Variants in FSTL5 observed in about 807,000 individuals in gnomAD.
FSTL5 encodes the protein follistatin-related protein 5.
A neutral mutation model predicts 89.1 loss-of-function variants in FSTL5; 62 were observed. That is an observed-to-expected ratio of 0.70 (90% CI 0.57 to 0.86). The LOEUF (loss-of-function observed/expected upper bound fraction) is 0.86. Among genes scored for constraint, FSTL5 ranks in the 40% least tolerant of loss-of-function variants. The pLI, the probability that FSTL5 is intolerant of heterozygous loss-of-function variation, is 0.00. For synonymous variants in FSTL5, 383 were observed against 346.2 expected, an observed-to-expected ratio of 1.11 and a Z score of -1.18; for missense variants, 1,057 against 1,001.6, an observed-to-expected ratio of 1.06 and a Z score of -0.75.
At chr4:161,815,895 A>C (rs763591053) in intron 4 of FSTL5, among the ~76,000 whole-genome samples, 16 of 152,226 alleles carry the variant, frequency 1.1e-4, no homozygotes, top group Non-Finnish European at 1.9e-4. Context: ...TTGAATAAGG[A>C]TAAGTAAGTC....
At chr4:161,802,900 C>T (rs192999554) in intron 4 of FSTL5, among the ~76,000 whole-genome samples, 3 of 151,876 alleles carry the variant, frequency 2.0e-5, no homozygotes, top group Non-Finnish European at 4.4e-5. Context: ...TCCAAAACAG[C>T]AATCTACTGT....
At chr4:161,663,020 G>A (rs369170638) in intron 6 of FSTL5, among the ~76,000 whole-genome samples, 4 of 152,082 alleles carry the variant, frequency 2.6e-5, no homozygotes, top group South Asian at 2.1e-4. Context: ...ATCAGATCTC[G>A]TGAGACTTAC....
chr4:161,718,621 G>T (rs1157339026), intron 6 of FSTL5, among the ~76,000 whole-genome samples: 1 of 151,982 alleles, frequency 6.6e-6, no homozygotes, highest in Non-Finnish European at 1.5e-5. Context: ...GTAGAGATGG[G>T]GTTTCACTAT....
chr4:161,790,077 G>A (rs1463886536), intron 4 of FSTL5, among the ~76,000 whole-genome samples: 2 of 152,122 alleles, frequency 1.3e-5, no homozygotes, highest in Non-Finnish European at 2.9e-5. Context: ...ATCCTCTCAA[G>A]GAGAAAATAC....
intron 15 of FSTL5, among the ~76,000 whole-genome samples, chr4:161,444,048 T>C (rs1732864687): frequency 6.6e-6 from 1 of 152,006 alleles, no homozygotes; most frequent in Non-Finnish European, 1.5e-5. Flanking sequence ...TGAGTTTTTA[T>C]TTTCTTTCCT....
chr4:161,576,561 G>A (rs972468029), intron 8 of FSTL5, among the ~76,000 whole-genome samples: 2 of 152,242 alleles, frequency 1.3e-5, no homozygotes, highest in African/African-American at 2.4e-5. Flanking sequence ...ACAAAAACAA[G>A]CAACTGGGAA....
intron 8 of FSTL5, among the ~76,000 whole-genome samples, chr4:161,546,137 G>C (rs1053659529): frequency 6.6e-6 from 1 of 151,202 alleles, no homozygotes; most frequent in African/African-American, 2.4e-5. Context: ...ATTAGATACA[G>C]CTGAAGAAGA....
chr4:161,912,487 C>T (rs1321521524), intron 4 of FSTL5, among the ~76,000 whole-genome samples: 2 of 152,108 alleles, frequency 1.3e-5, no homozygotes, highest in Non-Finnish European at 2.9e-5. Flanking sequence ...GGGGGTTATG[C>T]TTTTGCTTCC....
At chr4:161,632,054 C>CT (rs1266269323) in intron 7 of FSTL5, among the ~76,000 whole-genome samples, 1 of 152,068 alleles carries the variant, frequency 6.6e-6, no homozygotes, top group African/African-American at 2.4e-5. Flanking sequence ...AATTGAGTGA[C>CT]TTTTCCACTG....
chr4:161,963,809 C>T (rs1239074644), intron 3 of FSTL5, among the ~76,000 whole-genome samples: 2 of 152,046 alleles, frequency 1.3e-5, no homozygotes, highest in Non-Finnish European at 1.5e-5. Context: ...AGGCATCTTT[C>T]CTGCTCATGC....
intron 2 of FSTL5, among the ~76,000 whole-genome samples, chr4:162,073,793 G>A (rs946550152): frequency 6.6e-6 from 1 of 151,666 alleles, no homozygotes; most frequent in African/African-American, 2.4e-5. Context: ...TTCCTTTTCA[G>A]AAATGAGGTA....
intron 3 of FSTL5, among the ~76,000 whole-genome samples, chr4:161,976,812 C>T (rs1735663181): frequency 6.6e-6 from 1 of 151,954 alleles, no homozygotes; most frequent in South Asian, 2.1e-4. Flanking sequence ...GTCTAGGAGC[C>T]CAGCCAACCC....
At chr4:161,743,027 T>C (rs1440653760) in intron 6 of FSTL5, among the ~76,000 whole-genome samples, 1 of 152,202 alleles carries the variant, frequency 6.6e-6, no homozygotes, top group Non-Finnish European at 1.5e-5. Flanking sequence ...TTTCACTCTG[T>C]TGATAGTGTT....
intron 15 of FSTL5, among the ~76,000 whole-genome samples, chr4:161,404,551 C>A (rs1731291944): frequency 6.6e-6 from 1 of 152,058 alleles, no homozygotes; most frequent in Non-Finnish European, 1.5e-5. Context: ...GCCAGCAGAG[C>A]AGATGACTTT....
At chr4:161,986,223 T>C (rs1398660235) in intron 3 of FSTL5, among the ~76,000 whole-genome samples, 1 of 152,068 alleles carries the variant, frequency 6.6e-6, no homozygotes, top group Non-Finnish European at 1.5e-5. Context: ...CTGAAGAACA[T>C]GGTATATAGC....
At chr4:161,483,067 C>A (rs1290124000) in intron 12 of FSTL5, among the ~76,000 whole-genome samples, 1 of 152,174 alleles carries the variant, frequency 6.6e-6, no homozygotes, top group Non-Finnish European at 1.5e-5. Flanking sequence ...AAGTCCTTGG[C>A]ACTCTTAAGG....
intron 3 of FSTL5, among the ~76,000 whole-genome samples, chr4:162,006,111 A>G (rs886938984): frequency 3.9e-5 from 6 of 151,908 alleles, no homozygotes; most frequent in Non-Finnish European, 8.8e-5. Context: ...TTTTTAAAAT[A>G]TTATAAGTAA....
intron 4 of FSTL5, among the ~76,000 whole-genome samples, chr4:161,779,822 T>C (rs2126808615): frequency 1.1e-5 from 1 of 88,598 alleles, no homozygotes; most frequent in South Asian, 3.7e-4. Context: ...TATATATATA[T>C]ATATATATAT....
chr4:161,489,295 G>C (rs1729786789), intron 12 of FSTL5, among the ~76,000 whole-genome samples: 1 of 152,110 alleles, frequency 6.6e-6, no homozygotes, highest in African/African-American at 2.4e-5. Flanking sequence ...GAGAACAGGA[G>C]AGGCAGGCAC....
Sources: allele counts gnomAD v4.1 joint callset (sites outside exome capture counted in the v4.1 genomes callset), GRCh38; gene constraint gnomAD v4.1.1; transcripts MANE v1.5; gene names NCBI Gene and HGNC (gene_info 2026-07-23, HGNC 2026-07-21).